Variants in RERE observed in about 807,000 individuals in gnomAD.
The protein encoded by RERE is arginine-glutamic acid dipeptide repeats protein.
In RERE, 40 loss-of-function variants were observed where a neutral mutation model predicts 146.1. The observed-to-expected ratio is 0.27, with a 90% CI of 0.21 to 0.36. RERE has a LOEUF of 0.36. Ranked by LOEUF, RERE falls within the 10% of genes least tolerant of loss-of-function variation. RERE has a pLI of 1.00. For synonymous variants in RERE, 1,003 were observed against 866.0 expected (o/e 1.16, Z -2.78); for missense variants, 1,933 against 2,138.7 (o/e 0.90, Z 1.90).
rs6143111 is a variant in RERE, at chr1:8,372,507, C to CGTGTGTGTGTGTGTGTGTGTGTGTGTGT, written c.1285-6561_1285-6534dup. Among the ~76,000 whole-genome samples, 396 of 131,798 alleles carry CGTGTGTGTGTGTGTGTGTGTGTGTGTGT rather than the reference C, an allele frequency of 3.0e-3. 17 individuals are homozygous for CGTGTGTGTGTGTGTGTGTGTGTGTGTGT. Among genetic ancestry groups the CGTGTGTGTGTGTGTGTGTGTGTGTGTGT allele is most frequent in the East Asian group, 0.021 (74 of 3,566 alleles). The allele number at this position is 131,798 out of a possible 152,430, so 86.5% of individuals were successfully genotyped here. On this transcript the variant is annotated intron_variant, in intron 12 of 22. Transcript: ENST00000400908. ...TGCAGCCTGCCACCTACCATCAGGT[C>CGTGTGTGTGTGTGTGTGTGTGTGTGTGT]GTGTGTGTGTGTGTGTGTGTGTGTG...
intron 11 of RERE, among the ~76,000 whole-genome samples, chr1:8,431,687 C>T (rs892448375): frequency 6.6e-6 from 1 of 152,162 alleles, no homozygotes; most frequent in Non-Finnish European, 1.5e-5. Context: ...TTAACCTAAA[C>T]ATTTAAAATG....
intron 7 of RERE, among the ~76,000 whole-genome samples, chr1:8,518,354 G>C (rs1422121581): frequency 6.6e-6 from 1 of 152,204 alleles, no homozygotes; most frequent in East Asian, 1.9e-4. Flanking sequence ...TCAGACCCTT[G>C]TTCTGTGGCT....
chr1:8,555,743 C>T (rs1645999810), intron 6 of RERE, among the ~76,000 whole-genome samples: 1 of 152,136 alleles, frequency 6.6e-6, no homozygotes, highest in Non-Finnish European at 1.5e-5. Context: ...CCATTATGGG[C>T]ATCCTTTTCT....
chr1:8,809,935 T>C (rs1641772013), intron 1 of RERE, among the ~76,000 whole-genome samples: 1 of 152,144 alleles, frequency 6.6e-6, no homozygotes, highest in Admixed American at 6.5e-5. Context: ...GAAATAAAAG[T>C]GGCCAAACCA....
chr1:8,793,983 G>A (rs749125375), intron 1 of RERE, among the ~76,000 whole-genome samples: 5 of 151,834 alleles, frequency 3.3e-5, no homozygotes, highest in Non-Finnish European at 5.9e-5. Context: ...CACGAGAATC[G>A]CTTGAACCCA....
At chr1:8,639,176 C>T (rs889902047) in intron 2 of RERE, among the ~76,000 whole-genome samples, 1 of 152,056 alleles carries the variant, frequency 6.6e-6, no homozygotes, top group Non-Finnish European at 1.5e-5. Context: ...AAATGGACCA[C>T]GCTTAATCAT....
At chr1:8,702,708 C>T (rs2124442263) in intron 1 of RERE, among the ~76,000 whole-genome samples, 1 of 152,206 alleles carries the variant, frequency 6.6e-6, no homozygotes, top group Admixed American at 6.5e-5. Context: ...AAGCACTTTC[C>T]TTTCAGAAGA....
chr1:8,488,135 T>A (rs1233185754), intron 10 of RERE, among the ~76,000 whole-genome samples: 1 of 151,454 alleles, frequency 6.6e-6, no homozygotes, highest in African/African-American at 2.4e-5. Context: ...TAGAGAAATA[T>A]CGTATTTATG....
At chr1:8,594,441 T>C (rs896788539) in intron 4 of RERE, among the ~76,000 whole-genome samples, 1 of 152,138 alleles carries the variant, frequency 6.6e-6, no homozygotes, top group Non-Finnish European at 1.5e-5. Flanking sequence ...TAATATAAAA[T>C]CAGATTTAAT....
chr1:8,579,208 A>G (rs189275941), intron 4 of RERE, among the ~76,000 whole-genome samples: 2 of 152,304 alleles, frequency 1.3e-5, no homozygotes, highest in African/African-American at 4.8e-5. Context: ...TCTGCCTACT[A>G]CCATCACATG....
intron 10 of RERE, among the ~76,000 whole-genome samples, chr1:8,471,345 C>T (rs560735204): frequency 2.2e-4 from 33 of 151,762 alleles, no homozygotes; most frequent in African/African-American, 8.0e-4. Context: ...AGGGTGTTGG[C>T]TCTGTCTCCC....
chr1:8,443,246 A>G (rs959811551), intron 11 of RERE, among the ~76,000 whole-genome samples: 1 of 152,048 alleles, frequency 6.6e-6, no homozygotes, highest in African/African-American at 2.4e-5. Context: ...GTGGATCATG[A>G]GGTCAGGAGT....
intron 4 of RERE, among the ~76,000 whole-genome samples, chr1:8,589,166 G>A (rs1318214374): frequency 3.3e-5 from 5 of 151,316 alleles, no homozygotes; most frequent in Admixed American, 6.6e-5. Flanking sequence ...AAGGCCAGGC[G>A]TGGTGGCTCA....
At chr1:8,706,086 C>G (rs1171069167) in intron 1 of RERE, among the ~76,000 whole-genome samples, 6 of 123,804 alleles carry the variant, frequency 4.8e-5, no homozygotes, top group Non-Finnish European at 7.8e-5. Flanking sequence ...GCACTCCAGG[C>G]TGGGTGACAG....
At chr1:8,669,598 A>C (rs1289115214) in intron 1 of RERE, among the ~76,000 whole-genome samples, 1 of 152,184 alleles carries the variant, frequency 6.6e-6, no homozygotes, top group Non-Finnish European at 1.5e-5. Context: ...ACTGAGAAAA[A>C]CCACCTTTTA....
At chr1:8,601,781 A>G (rs531972176) in intron 4 of RERE, among the ~76,000 whole-genome samples, 1 of 151,752 alleles carries the variant, frequency 6.6e-6, no homozygotes, top group East Asian at 1.9e-4. Context: ...ACACACAAAC[A>G]CACACACAGA....
At chr1:8,371,349 C>A (rs568934692) in intron 12 of RERE, among the ~76,000 whole-genome samples, 1 of 152,258 alleles carries the variant, frequency 6.6e-6, no homozygotes, top group Non-Finnish European at 1.5e-5. Flanking sequence ...AGGCTATACA[C>A]TAAGATGGAG....
intron 2 of RERE, among the ~76,000 whole-genome samples, chr1:8,636,857 C>T (rs1465342878): frequency 2.0e-5 from 3 of 152,236 alleles, no homozygotes; most frequent in Admixed American, 2.0e-4. Context: ...AGGCCACATA[C>T]AATGGAGTAA....
At chr1:8,665,065 C>G (rs1382671188) in intron 1 of RERE, among the ~76,000 whole-genome samples, 1 of 152,186 alleles carries the variant, frequency 6.6e-6, no homozygotes, top group Non-Finnish European at 1.5e-5. Context: ...CACACTATCC[C>G]TCCCTCAGTT....
Sources: gnomAD v4.1 joint callset for allele counts (sites outside exome capture counted in the v4.1 genomes callset) on GRCh38, gnomAD v4.1.1 for gene constraint, MANE v1.5 for transcripts, NCBI Gene and HGNC (gene_info 2026-07-23, HGNC 2026-07-21) for gene names.